Variants in PZP observed in about 807,000 individuals in gnomAD.
PZP encodes pregnancy zone protein.
Under a neutral mutation model 179.8 loss-of-function variants are expected in PZP, and 150 were observed. The observed-to-expected ratio is 0.83, with a 90% confidence interval of 0.73 to 0.96. PZP has a LOEUF of 0.96. Ranked by LOEUF, PZP falls within the 40% of genes least tolerant of loss-of-function variation. The pLI is 0.00. For missense variants in PZP, 1,689 were observed against 1,764.0 expected (o/e 0.96, Z 0.76); for synonymous variants, 624 against 652.3 (o/e 0.96, Z 0.66).
Position 9,161,033 on chromosome 12 carries a change from C to G in PZP, c.2872G>C (p.Gly958Arg). ...ESARASFSVL[G>R]DILGSAMQNI... ...GTTTACTAAATGGAAGGTGACTCACCCAGAACTGAGAAAGAAGCTCTGGCA... is the reference window on the plus strand; with the variant it reads ...GTTTACTAAATGGAAGGTGACTCACGCAGAACTGAGAAAGAAGCTCTGGCA... Residue 958 changes from glycine to arginine, a missense_variant and splice_region_variant, in exon 23 of 36, where the codon GGT (glycine) becomes CGT (arginine). Gly to Arg is a moderately radical substitution (Grantham distance 125). Around this residue, in one of 3 missense-constraint regions of PZP, gnomAD observed 746 missense variants for 749.2 expected, o/e 1.00. Transcript: ENST00000261336. 1 of 1,577,366 alleles carries G rather than the reference C, an allele frequency of 6.3e-7. No homozygotes were observed. The highest frequency in any genetic ancestry group is 2.2e-5 in the East Asian group (1 of 44,698).
At chr12:9,194,922 C>A (rs1462673006) in intron 10 of PZP, among the ~76,000 whole-genome samples, 1 of 152,136 alleles carries the variant, frequency 6.6e-6, no homozygotes, top group African/African-American at 2.4e-5. Flanking sequence ...AAAAAAGTTA[C>A]TTCTCTGCGC....
intron 10 of PZP, among the ~76,000 whole-genome samples, chr12:9,196,011 C>T (rs1167744110): frequency 6.6e-6 from 1 of 152,086 alleles, no homozygotes; most frequent in African/African-American, 2.4e-5. Flanking sequence ...AATTCTGATG[C>T]TGCCCAGGTC....
In PZP at chr12:9,161,024, G is replaced by A. The variant is rs1941166776; in HGVS notation, c.2872+9C>T. 6.4e-7 allele frequency: 1 copy of A among 1,558,308 alleles called. No individual in the cohort carries two copies. Among genetic ancestry groups the A allele is most frequent in the African/African-American group, 1.4e-5 (1 of 73,704 alleles). ...TTGGCCCAGGTTTACTAAATGGAAGGTGACTCACCCAGAACTGAGAAAGAA... is the reference window on the plus strand; with the variant it reads ...TTGGCCCAGGTTTACTAAATGGAAGATGACTCACCCAGAACTGAGAAAGAA... On this transcript the variant is annotated intron_variant, in intron 23 of 35. Coordinates refer to ENST00000261336, the MANE Select transcript of PZP (RefSeq NM_002864.3).
At chr12:9,205,404 G>T (rs544951559) in intron 1 of PZP, among the ~76,000 whole-genome samples, 1 of 152,284 alleles carries the variant, frequency 6.6e-6, no homozygotes, top group Admixed American at 6.5e-5. Context: ...CACATGACAA[G>T]AATTGTTAAG....
In PZP at chr12:9,160,206, T is replaced by C. The variant is rs113655508; in HGVS notation, c.3049+108A>G. ...CTATTAGAGTGTGGGAAGATTGTTG[T>C]TTTCATAAAAATTATCATCATGGGT... is the stretch of plus-strand genomic sequence containing the variant. On this transcript the variant is annotated intron_variant, in intron 24 of 35. Transcript: ENST00000261336. The C allele has an allele frequency of 4.1e-6, 5 of 1,218,538 alleles. No homozygotes were observed. In the African/African-American group the frequency reaches 4.6e-5, roughly 11 times the overall value. The allele number at this position is 1,218,538 out of a possible 1,614,324, so 75.5% of individuals were successfully genotyped here.
the PZP span, among the ~76,000 whole-genome samples, chr12:9,141,392 G>A: frequency 2.0e-5 from 3 of 152,084 alleles, no homozygotes; most frequent in East Asian, 3.8e-4. Flanking sequence ...ACATTTACCC[G>A]ATTTTAATGT....
downstream of PZP, among the ~76,000 whole-genome samples, chr12:9,146,816 A>G (rs1490355764): frequency 6.6e-6 from 1 of 152,202 alleles, no homozygotes; most frequent in Non-Finnish European, 1.5e-5. Flanking sequence ...TCCCCCAGGC[A>G]GCCAGTCTGT....
At chr12:9,142,636 T>C in the PZP span, among the ~76,000 whole-genome samples, 1 of 152,200 alleles carries the variant, frequency 6.6e-6, no homozygotes, top group African/African-American at 2.4e-5. Context: ...CTAACACATA[T>C]ATAGCCACAC....
At chr12:9,192,411 A>G (rs1369716752) in intron 12 of PZP, 101 bp downstream of exon 12, 1 of 1,287,506 alleles carries the variant, frequency 7.8e-7, no homozygotes, top group Non-Finnish European at 1.1e-6. Context: ...CAAGAACACA[A>G]GGTGGCTGTG....
In PZP at chr12:9,192,697, C is replaced by G; in HGVS notation, c.1297G>C (p.Val433Leu). 1 of 1,613,580 alleles carries G rather than the reference C, an allele frequency of 6.2e-7. No individual in the cohort carries two copies. The highest frequency in any genetic ancestry group is 8.5e-7 in the Non-Finnish European group (1 of 1,179,484). The change falls in exon 12 of 36, where the codon GTA becomes CTA. Residue 433 changes from valine (V) to leucine (L), a missense_variant. Physicochemically the swap from Val to Leu is conservative, Grantham distance 32. Around this residue, in one of 3 missense-constraint regions of PZP, gnomAD observed 742 missense variants for 730.5 expected, o/e 1.02. Coordinates refer to ENST00000261336, the MANE Select transcript of PZP (RefSeq NM_002864.3). ...TGAGCACCCTGGTGGTCTTCTGCTA[C>G]CCATGAATAGTGAAAACACAAGTTG... Reference protein sequence around the residue: ...HPNLCFHYSWVAEDHQGAQHT... With the variant: ...HPNLCFHYSWLAEDHQGAQHT...
rs185905920 is a variant in PZP, at chr12:9,200,601, A to G, written c.671-153T>C. 3.4e-4 allele frequency among the ~76,000 whole-genome samples: 52 copies of G among 152,356 alleles called. 1 individual carries two copies. The highest frequency in any genetic ancestry group is 1.2e-3 in the African/African-American group (50 of 41,580). On this transcript the variant is annotated intron_variant, in intron 6 of 35. Transcript: ENST00000261336. The stretch of plus-strand genomic sequence containing the variant: ...AACTTTAAGATGGTAAGGTTTAACA[A>G]TTCATGCAGAATCTAACTGACTTCT...
intron 16 of PZP, 51 bp downstream of exon 16, chr12:9,169,379 A>T: frequency 1.4e-6 from 2 of 1,460,330 alleles, no homozygotes; most frequent in African/African-American, 1.4e-5. Context: ...GAGTTTTATT[A>T]ACATTCAAAA....
chr12:9,163,030 C>T (rs1941324035), intron 21 of PZP, among the ~76,000 whole-genome samples: 1 of 152,072 alleles, frequency 6.6e-6, no homozygotes, highest in Non-Finnish European at 1.5e-5. Context: ...AACATAACAT[C>T]CTACTTGTTA....
chr12:9,194,613 C>G (rs1415037703), intron 10 of PZP, among the ~76,000 whole-genome samples: 1 of 151,946 alleles, frequency 6.6e-6, no homozygotes, highest in Non-Finnish European at 1.5e-5. Context: ...TACAGGCGCC[C>G]GCCACCCCGC....
intron 14 of PZP, 108 bp from the exon 15 acceptor site, chr12:9,181,240 G>T: frequency 1.5e-6 from 2 of 1,363,834 alleles, no homozygotes; most frequent in Admixed American, 2.5e-5. Flanking sequence ...TGACTATGTT[G>T]GTAATGTCAG....
intron 15 of PZP, among the ~76,000 whole-genome samples, chr12:9,179,748 T>C (rs889936780): frequency 6.6e-6 from 1 of 152,236 alleles, no homozygotes; most frequent in Non-Finnish European, 1.5e-5. Flanking sequence ...CACATTAATT[T>C]ACTCACTCTT....
At chr12:9,158,069 G>T (rs1341247008) in intron 26 of PZP, among the ~76,000 whole-genome samples, 1 of 152,142 alleles carries the variant, frequency 6.6e-6, no homozygotes, top group East Asian at 1.9e-4. Context: ...TGCTGCCTCA[G>T]CTTGTCAAGT....
chr12:9,202,792 G>C lies in PZP; in HGVS notation c.268-108C>G, dbSNP rs754107182. ...TCTCCTTCAGCTTCACCAAGGAGAA[G>C]GAAGGTGTGACTATTTCTTCAGACA... On this transcript the variant is annotated intron_variant, in intron 2 of 35. Coordinates refer to ENST00000261336, the MANE Select transcript of PZP (RefSeq NM_002864.3). The C allele has an allele frequency of 1.1e-4, 122 of 1,070,222 alleles. 2 individuals are homozygous for C. In the South Asian group the frequency reaches 1.9e-3, roughly 17 times the overall value. The allele number at this position is 1,070,222 out of a possible 1,614,324, so 66.3% of individuals were successfully genotyped here.
intron 3 of PZP, 65 bp from the exon 4 acceptor site, chr12:9,202,436 G>A (rs1480829851): frequency 1.9e-6 from 3 of 1,612,368 alleles, no homozygotes; most frequent in Non-Finnish European, 2.5e-6. Flanking sequence ...TAATAAGACA[G>A]GAGGCTACGG....
Sources: gnomAD v4.1 joint callset for allele counts (sites outside exome capture counted in the v4.1 genomes callset) on GRCh38, gnomAD v4.1.1 for gene constraint, gnomAD v4.1.1 regional missense constraint, MANE v1.5 for transcripts, NCBI Gene and HGNC (gene_info 2026-07-23, HGNC 2026-07-21) for gene names.